Variants in TDRP observed in about 807,000 individuals in gnomAD.
TDRP encodes testis development-related protein.
Under a neutral mutation model 10.5 loss-of-function variants are expected in TDRP, and 12 were observed. That is an observed-to-expected ratio of 1.15 (90% CI 0.73 to 1.86). The LOEUF (loss-of-function observed/expected upper bound fraction) is 1.86. Among genes scored for constraint, TDRP ranks in the 40% most tolerant of loss-of-function variants. The probability of loss-of-function intolerance (pLI) is 0.00; values close to 1 mark genes in which losing one functional copy is unlikely to be tolerated. For missense variants in TDRP, 353 were observed against 229.2 expected, an observed-to-expected ratio of 1.54 and a Z score of -3.49; for synonymous variants, 139 against 95.4, an observed-to-expected ratio of 1.46 and a Z score of -2.67.
chr8:505,388 T>C (rs897236943), intron 1 of TDRP, among the ~76,000 whole-genome samples: 2 of 152,214 alleles, frequency 1.3e-5, no homozygotes, highest in Non-Finnish European at 2.9e-5. Flanking sequence ...AAAGGGTAAA[T>C]ATTGTTTTCC....
rs1007369646 is a variant in TDRP at position 491,398 on chromosome 8, G to A, written c.*1001C>T. ...ATAACTGGCACCTGATACTGTGCAG[G>A]ATCACATTGTCAAGGACAGTAAGCA... On this transcript the variant is annotated 3_prime_UTR_variant, in exon 3 of 3. Coordinates refer to ENST00000324079, the MANE Select transcript of TDRP (RefSeq NM_001384899.1). The A allele has an allele frequency of 4.6e-6, 2 of 435,176 alleles. No homozygotes were observed. Among genetic ancestry groups the A allele is most frequent in the African/African-American group, 2.0e-5 (1 of 49,234 alleles). The allele number at this position is 435,176 out of a possible 1,614,324, so 27.0% of individuals were successfully genotyped here.
intron 1 of TDRP, among the ~76,000 whole-genome samples, chr8:507,757 T>C (rs6991168): frequency 0.67 from 101,196 of 151,960 alleles, 34,038 homozygotes; most frequent in African/African-American, 0.7. Context: ...GAACAGTCAG[T>C]ACCCAGAGTG....
chr8:500,726 C>A (rs144258286), intron 1 of TDRP, among the ~76,000 whole-genome samples: 232 of 152,290 alleles, frequency 1.5e-3, no homozygotes, highest in African/African-American at 5.4e-3. Context: ...GCAGGTGTAT[C>A]GGACTCCGGC....
At chr8:496,862 A>T (rs1352198099) in intron 1 of TDRP, among the ~76,000 whole-genome samples, 3 of 152,056 alleles carry the variant, frequency 2.0e-5, no homozygotes, top group Non-Finnish European at 4.4e-5. Flanking sequence ...AGTGTGTGGC[A>T]CCTGTCTTTT....
chr8:501,797 C>T (rs548440450), intron 1 of TDRP, among the ~76,000 whole-genome samples: 27 of 152,340 alleles, frequency 1.8e-4, no homozygotes, highest in Non-Finnish European at 3.4e-4. Context: ...TCAGTACAGA[C>T]GGTTTGCCGT....
intron 1 of TDRP, among the ~76,000 whole-genome samples, chr8:531,466 G>C (rs1366993805): frequency 6.6e-6 from 1 of 152,308 alleles, no homozygotes; most frequent in Middle Eastern, 3.4e-3. Flanking sequence ...CATAGGATCT[G>C]TGCTAATTCT....
intron 1 of TDRP, among the ~76,000 whole-genome samples, chr8:503,180 C>A (rs774050223): frequency 1.3e-5 from 2 of 152,106 alleles, no homozygotes; most frequent in African/African-American, 4.8e-5. Flanking sequence ...CCCATGCCCA[C>A]CTCAACACGC....
At chr8:502,566 AC>A (rs1173266243) in intron 1 of TDRP, among the ~76,000 whole-genome samples, 1 of 152,160 alleles carries the variant, frequency 6.6e-6, no homozygotes, top group African/African-American at 2.4e-5. Context: ...CAAACATGGA[AC>A]CCAGAGCCAT....
chr8:495,516 C>T lies in TDRP; in HGVS notation c.109-919G>A, dbSNP rs146183887. On this transcript the variant is annotated intron_variant, in intron 1 of 2. Coordinates refer to ENST00000324079, the MANE Select transcript of TDRP (RefSeq NM_001384899.1). ...ATAATTAATACCATCTTGGATACAACGAAATCCATTACTAAGAAGAATGGA... is the reference window on the plus strand; with the variant it reads ...ATAATTAATACCATCTTGGATACAATGAAATCCATTACTAAGAAGAATGGA... Among the ~76,000 whole-genome samples the T allele has an allele frequency of 8.2e-4, 125 of 152,228 alleles. 1 individual carries two copies. Among genetic ancestry groups the T allele is most frequent in the Middle Eastern group, 6.8e-3 (2 of 294 alleles).
chr8:499,684 A>C (rs184833823), intron 1 of TDRP, among the ~76,000 whole-genome samples: 1 of 152,378 alleles, frequency 6.6e-6, no homozygotes. Flanking sequence ...TGCGGGCAGA[A>C]AGAATCCATC....
upstream of TDRP, chr8:545,576 A>G (rs1350987611): frequency 6.6e-6 from 1 of 152,240 alleles, no homozygotes; most frequent in African/African-American, 2.4e-5. Context: ...GCTGAGGGGA[A>G]GGTGGAGGGG....
At chr8:511,839 C>T (rs748550065) in intron 1 of TDRP, among the ~76,000 whole-genome samples, 2 of 152,026 alleles carry the variant, frequency 1.3e-5, no homozygotes, top group African/African-American at 4.8e-5. Flanking sequence ...ACCAATGGGT[C>T]TAAGAAGGAA....
At chr8:528,737 C>T (rs1802102497) in intron 1 of TDRP, among the ~76,000 whole-genome samples, 1 of 151,988 alleles carries the variant, frequency 6.6e-6, no homozygotes, top group Non-Finnish European at 1.5e-5. Context: ...ATCTCATGTA[C>T]CCCTGTACCA....
At chr8:494,320 T>C (rs1486607105) in intron 2 of TDRP, among the ~76,000 whole-genome samples, 174 bp downstream of exon 2, 1 of 152,126 alleles carries the variant, frequency 6.6e-6, no homozygotes, top group Non-Finnish European at 1.5e-5. Flanking sequence ...ATGAAGTCCA[T>C]GACCGTCTGC....
intron 1 of TDRP, 83 bp downstream of exon 1, chr8:544,567 C>A (rs1259411517): frequency 3.1e-6 from 3 of 980,742 alleles, no homozygotes; most frequent in Non-Finnish European, 3.9e-6. Flanking sequence ...ACTACCCGCA[C>A]CTCCACCTGC....
intron 1 of TDRP, among the ~76,000 whole-genome samples, chr8:520,101 T>G (rs993499170): frequency 1.3e-5 from 2 of 152,188 alleles, no homozygotes; most frequent in African/African-American, 4.8e-5. Context: ...TATCCTGTGG[T>G]TGGGGAGAAA....
intron 2 of TDRP, among the ~76,000 whole-genome samples, chr8:493,093 T>G (rs1300721089): frequency 6.6e-6 from 1 of 152,126 alleles, no homozygotes; most frequent in Non-Finnish European, 1.5e-5. Flanking sequence ...GGGTCTAGAT[T>G]AAGAAACAAG....
chr8:505,071 C>T (rs1801418898), intron 1 of TDRP, among the ~76,000 whole-genome samples: 1 of 152,202 alleles, frequency 6.6e-6, no homozygotes, highest in Non-Finnish European at 1.5e-5. Context: ...ACATAACCTT[C>T]AGATAATTTT....
chr8:492,384 G>A lies in TDRP; in HGVS notation c.*15C>T, dbSNP rs775586296. On this transcript the variant is annotated 3_prime_UTR_variant, in exon 3 of 3. Transcript: ENST00000324079. ...AAGGCCACCATGTCGGGGCACACTT[G>A]CCACGCAGCCCCCCTCACTCCGCCT... is the stretch of plus-strand genomic sequence containing the variant. 6.7e-7 allele frequency: 1 copy of A among 1,491,250 alleles called. No individual in the cohort carries two copies. The highest frequency in any genetic ancestry group is 2.3e-5 in the Admixed American group (1 of 43,332). The allele number at this position is 1,491,250 out of a possible 1,614,324, so 92.4% of individuals were successfully genotyped here.
Sources: gnomAD v4.1 joint callset for allele counts (sites outside exome capture counted in the v4.1 genomes callset) on GRCh38, gnomAD v4.1.1 for gene constraint, MANE v1.5 for transcripts, NCBI Gene and HGNC (gene_info 2026-07-23, HGNC 2026-07-21) for gene names.